ABCG1: variants seen among roughly 807,000 people sequenced by gnomAD.
The protein encoded by ABCG1 is ATP-binding cassette sub-family G member 1.
A neutral mutation model predicts 69.2 loss-of-function variants in ABCG1; 29 were observed. The observed-to-expected ratio is 0.42, with a 90% confidence interval of 0.31 to 0.57. The LOEUF (loss-of-function observed/expected upper bound fraction) is 0.57. Ranked by LOEUF, ABCG1 falls within the 20% of genes least tolerant of loss-of-function variation. The pLI, the probability that ABCG1 is intolerant of heterozygous loss-of-function variation, is 0.15. For missense variants in ABCG1, 718 were observed against 898.1 expected (o/e 0.80, Z 2.56); for synonymous variants, 370 against 374.8 (o/e 0.99, Z 0.15).
rs368719271 is a variant in ABCG1, at chr21:42,288,410, A to G, written c.1224+98A>G. ...TGTGTTCGTTCATTCTCACATTGCT[A>G]TAAAGAAATTCATGAGGCCAGGCAT... On this transcript the variant is annotated intron_variant, in intron 10 of 14. Transcript: ENST00000398449. The surrounding 1 kb of genome is among the most constrained non-coding windows in gnomAD (Gnocchi z 4.8). 2.1e-5 allele frequency: 19 copies of G among 909,858 alleles called. No homozygotes were observed. Among genetic ancestry groups the G allele is most frequent in the African/African-American group, 1.8e-4 (11 of 60,646 alleles). The allele number at this position is 909,858 out of a possible 1,614,324, so 56.4% of individuals were successfully genotyped here.
At chr21:42,272,588 G>A (rs1038499024) in intron 3 of ABCG1, among the ~76,000 whole-genome samples, 1 of 152,232 alleles carries the variant, frequency 6.6e-6, no homozygotes. Flanking sequence ...GAAGCACAGT[G>A]TGTAGACTGC....
At chr21:42,286,676 G>C (rs1378559026) in intron 8 of ABCG1, among the ~76,000 whole-genome samples, 1 of 152,220 alleles carries the variant, frequency 6.6e-6, no homozygotes, top group East Asian at 1.9e-4. Context: ...GGATGCTGCT[G>C]AGTGGGGCAG....
At chr21:42,270,741 G>A (rs990285989) in intron 2 of ABCG1, among the ~76,000 whole-genome samples, 1 of 152,114 alleles carries the variant, frequency 6.6e-6, no homozygotes, top group Admixed American at 6.5e-5. Context: ...GGTCACCTGG[G>A]CCCACCGGAC....
At chr21:42,203,779 T>C (rs1261369509) in intron 2 of ABCG1, among the ~76,000 whole-genome samples, 1 of 152,260 alleles carries the variant, frequency 6.6e-6, no homozygotes, top group African/African-American at 2.4e-5. Flanking sequence ...TGTTTATATA[T>C]ACAGAAAATT....
intron 8 of ABCG1, 24 bp downstream of exon 8, chr21:42,286,018 G>T (rs772161934): frequency 3.9e-6 from 6 of 1,530,806 alleles, no homozygotes; most frequent in Non-Finnish European, 5.4e-6. Flanking sequence ...TGAGCAGCTC[G>T]GGGGACAGAA....
chr21:42,203,393 C>A (rs1485993764), intron 2 of ABCG1, among the ~76,000 whole-genome samples: 2 of 152,130 alleles, frequency 1.3e-5, no homozygotes, highest in African/African-American at 4.8e-5. Flanking sequence ...AAGATTTCCT[C>A]CTAATATTTT....
chr21:42,289,986 G>T (rs2234721), intron 10 of ABCG1, 64 bp from the exon 11 acceptor site: 580,372 of 1,595,700 alleles, frequency 0.36, 107,090 homozygotes, highest in Non-Finnish European at 0.37. Context: ...GCCGCATCCG[G>T]GTTGTTCTCT....
In ABCG1 at chr21:42,260,114, G is replaced by T. The variant is rs1480209965; in HGVS notation, c.287-10956G>T. ...GGGCAGGAAGGGCCTATGGTTGGGGGTTTCCTGGCGATCCCATGGAGGAAG... is the reference window on the plus strand; with the variant it reads ...GGGCAGGAAGGGCCTATGGTTGGGGTTTTCCTGGCGATCCCATGGAGGAAG... On this transcript the variant is annotated intron_variant, in intron 2 of 14. Coordinates refer to ENST00000398449, the MANE Select transcript of ABCG1 (RefSeq NM_016818.3). 2.5e-5 allele frequency: 39 copies of T among 1,550,478 alleles called. 1 individual carries two copies. The East Asian group carries it at 9.3e-4, about 37-fold the overall frequency.
chr21:42,226,835 T>C (rs774189576), intron 2 of ABCG1, among the ~76,000 whole-genome samples: 26 of 152,218 alleles, frequency 1.7e-4, no homozygotes, highest in Non-Finnish European at 3.2e-4. Flanking sequence ...GGGAGGACTT[T>C]GGAACAATAC....
intron 5 of ABCG1, among the ~76,000 whole-genome samples, chr21:42,277,930 G>C (rs1222301618): frequency 1.3e-5 from 2 of 152,196 alleles, no homozygotes; most frequent in African/African-American, 4.8e-5. Flanking sequence ...TGGAAAAAAA[G>C]AGTTGGACAA....
intron 2 of ABCG1, among the ~76,000 whole-genome samples, chr21:42,204,484 A>G (rs902815584): frequency 4.6e-5 from 7 of 152,220 alleles, no homozygotes; most frequent in East Asian, 1.9e-4. Context: ...TTCTGCATCA[A>G]TTGGCATGAT....
intron 1 of ABCG1, among the ~76,000 whole-genome samples, chr21:42,200,342 A>C (rs1031690982): frequency 2.0e-5 from 3 of 152,212 alleles, no homozygotes; most frequent in African/African-American, 7.2e-5. Flanking sequence ...CTTTGGGTAC[A>C]TCCCATGGCT....
intron 2 of ABCG1, among the ~76,000 whole-genome samples, chr21:42,249,515 G>A (rs2068186068): frequency 1.3e-5 from 2 of 152,280 alleles, no homozygotes; most frequent in East Asian, 1.9e-4. Flanking sequence ...TATGGACCTT[G>A]CAGGGTTCTG....
intron 5 of ABCG1, among the ~76,000 whole-genome samples, chr21:42,281,221 G>T (rs1460716626): frequency 6.6e-6 from 1 of 152,340 alleles, no homozygotes; most frequent in African/African-American, 2.4e-5. Flanking sequence ...TAGAGGAGCC[G>T]CTGGAGTAGG....
intron 2 of ABCG1, among the ~76,000 whole-genome samples, chr21:42,247,955 C>T (rs181123638): frequency 1.3e-5 from 2 of 152,270 alleles, no homozygotes; most frequent in East Asian, 1.9e-4. Context: ...TGTGGCATCG[C>T]GGACATCTCG....
chr21:42,214,915 G>A (rs554874764), upstream of ABCG1, among the ~76,000 whole-genome samples: 1 of 152,234 alleles, frequency 6.6e-6, no homozygotes, highest in Non-Finnish European at 1.5e-5. Context: ...GGGCAAAGGG[G>A]CAGAGGGACA....
Position 42,288,769 on chromosome 21 carries a change from G to A in ABCG1, c.1224+457G>A, listed in dbSNP as rs377208216. Among the ~76,000 whole-genome samples the A allele has an allele frequency of 1.4e-3, 217 of 151,658 alleles. 1 individual carries two copies. The highest frequency in any genetic ancestry group is 5.1e-3 in the African/African-American group (211 of 41,298). On this transcript the variant is annotated intron_variant, in intron 10 of 14. Coordinates refer to ENST00000398449, the MANE Select transcript of ABCG1 (RefSeq NM_016818.3). This position sits in a 1 kb window ranked among gnomAD's most constrained non-coding sequence, Gnocchi z 4.8. ...AAAGGGAGAAAGGAAGGGAAGGGAA[G>A]GAAAGGAAAGGAAAAAAGAAAGAAA...
At position 42,219,885 on chromosome 21, in the gene ABCG1, C is replaced by A; in HGVS notation, c.42+581C>A. Reference sequence around the variant, plus strand: ...CCACTCGGGGAGGCGGCGGCGAAGGCCCGGGGAGACCCGCGAGGGGCAAGC... The same window carrying A: ...CCACTCGGGGAGGCGGCGGCGAAGGACCGGGGAGACCCGCGAGGGGCAAGC... On this transcript the variant is annotated intron_variant, in intron 1 of 14. Transcript: ENST00000398449. This position sits in a 1 kb window ranked among gnomAD's most constrained non-coding sequence, Gnocchi z 5.3. 1 of 1,543,302 alleles carries A rather than the reference C, an allele frequency of 6.5e-7. No individual in the cohort carries two copies. The highest frequency in any genetic ancestry group is 8.7e-7 in the Non-Finnish European group (1 of 1,144,956).
chr21:42,291,117 T>C lies in ABCG1; in HGVS notation c.1419T>C (p.Leu473=). ...TTCCCCTGGAGATGGGAGTCTTTCT[T>C]CGGGAACACCTGAACTACTGGTACA... ...LTFPLEMGVF[L]REHLNYWYSL... is the part of the protein sequence containing the mutation. Residue 473 remains leucine (L), a synonymous_variant, in exon 12 of 15, where the codon CTT becomes CTC. Transcript: ENST00000398449. This position sits in a 1 kb window ranked among gnomAD's most constrained non-coding sequence, Gnocchi z 6.4. 6.2e-7 allele frequency: 1 copy of C among 1,614,154 alleles called. No individual in the cohort carries two copies. Among genetic ancestry groups the C allele is most frequent in the Non-Finnish European group, 8.5e-7 (1 of 1,180,006 alleles).
Sources: allele counts gnomAD v4.1 joint callset (sites outside exome capture counted in the v4.1 genomes callset), GRCh38; gene constraint gnomAD v4.1.1; non-coding constraint Gnocchi (gnomAD v3.1); transcripts MANE v1.5; gene names NCBI Gene and HGNC (gene_info 2026-07-23, HGNC 2026-07-21).